Variants in CREB5 observed in about 807,000 individuals in gnomAD.
CREB5 encodes cyclic AMP-responsive element-binding protein 5.
Under a neutral mutation model 57.1 loss-of-function variants are expected in CREB5, and 19 were observed. That is an observed-to-expected ratio of 0.33 (90% CI 0.23 to 0.49). The LOEUF is 0.49. Among genes scored for constraint, CREB5 ranks in the 20% least tolerant of loss-of-function variants. The pLI is 0.99. For synonymous variants in CREB5, 238 were observed against 238.3 expected, an observed-to-expected ratio of 1.00 and a Z score of 0.01; for missense variants, 579 against 671.6, an observed-to-expected ratio of 0.86 and a Z score of 1.52.
At chr7:28,495,864 G>A (rs1165232453) in intron 3 of CREB5, among the ~76,000 whole-genome samples, 1 of 152,332 alleles carries the variant, frequency 6.6e-6, no homozygotes, top group Admixed American at 6.5e-5. Flanking sequence ...ATGAGAGAAT[G>A]TATGGAAACA....
intron 4 of CREB5, among the ~76,000 whole-genome samples, chr7:28,526,413 G>A (rs987586276): frequency 1.3e-5 from 2 of 152,190 alleles, no homozygotes; most frequent in South Asian, 4.1e-4. Context: ...GAAGTGAAAC[G>A]TTATCATCTT....
chr7:28,628,712 A>G (rs954709299), intron 5 of CREB5, among the ~76,000 whole-genome samples: 1 of 152,144 alleles, frequency 6.6e-6, no homozygotes, highest in Non-Finnish European at 1.5e-5. Context: ...GCTGCATGTT[A>G]TTGATTTTCA....
At chr7:28,401,040 C>T (rs1035435000) in intron 1 of CREB5, among the ~76,000 whole-genome samples, 6 of 152,260 alleles carry the variant, frequency 3.9e-5, no homozygotes, top group East Asian at 1.9e-4. Flanking sequence ...TGTGCTGACA[C>T]GGCACTATTA....
At chr7:28,601,530 G>A (rs1363592560) in intron 5 of CREB5, among the ~76,000 whole-genome samples, 1 of 152,096 alleles carries the variant, frequency 6.6e-6, no homozygotes, top group Non-Finnish European at 1.5e-5. Context: ...TCTGTGAAAT[G>A]GAAATAATAA....
Position 28,388,783 on chromosome 7 carries a change from G to C in CREB5, c.-25+89342G>C, listed in dbSNP as rs530441233. 9.8e-5 allele frequency among the ~76,000 whole-genome samples: 15 copies of C among 152,296 alleles called. No individual in the cohort carries two copies. The East Asian group carries it at 2.9e-3, about 29-fold the overall frequency. ...TCAACTCTTAGAGCTGGCATTTGTT[G>C]TATCAGTCCTAATAACTCTTGAGGT... On this transcript the variant is annotated intron_variant, in intron 1 of 9. Coordinates refer to the CREB5 transcript ENST00000396299.
intron 5 of CREB5, among the ~76,000 whole-genome samples, chr7:28,579,779 A>C (rs1166961556): frequency 2.0e-5 from 3 of 152,200 alleles, no homozygotes; most frequent in Non-Finnish European, 4.4e-5. Context: ...CATAATGATA[A>C]CTGGAACCTG....
At chr7:28,803,939 A>T (rs576901624) in intron 7 of CREB5, among the ~76,000 whole-genome samples, 1 of 152,050 alleles carries the variant, frequency 6.6e-6, no homozygotes, top group Non-Finnish European at 1.5e-5. Context: ...TCTTGATAGG[A>T]TATCCTGCCC....
intron 5 of CREB5, among the ~76,000 whole-genome samples, chr7:28,641,711 G>A (rs1018798245): frequency 6.6e-6 from 1 of 152,130 alleles, no homozygotes; most frequent in South Asian, 2.1e-4. Flanking sequence ...AATTTGAAAT[G>A]ATTTTATAGA....
chr7:28,678,906 G>T (rs1490265617), intron 5 of CREB5, among the ~76,000 whole-genome samples: 18 of 152,196 alleles, frequency 1.2e-4, no homozygotes, highest in Non-Finnish European at 2.5e-4. Flanking sequence ...GTAAGAGAAG[G>T]TCAGTTATTA....
intron 4 of CREB5, among the ~76,000 whole-genome samples, chr7:28,527,188 C>T (rs1319580023): frequency 6.6e-6 from 1 of 152,204 alleles, no homozygotes; most frequent in Non-Finnish European, 1.5e-5. Context: ...TCATAACCAC[C>T]ATGACTATCA....
At chr7:28,784,178 A>T (rs1381166144) in intron 7 of CREB5, among the ~76,000 whole-genome samples, 1 of 152,216 alleles carries the variant, frequency 6.6e-6, no homozygotes, top group Non-Finnish European at 1.5e-5. Flanking sequence ...GGGTAAACAC[A>T]GCTCGTGGGA....
At chr7:28,349,148 C>T (rs1007175307) in intron 1 of CREB5, among the ~76,000 whole-genome samples, 2 of 152,104 alleles carry the variant, frequency 1.3e-5, no homozygotes, top group African/African-American at 4.8e-5. Flanking sequence ...ATCAGTGATG[C>T]CTGGGTGGAG....
At chr7:28,748,953 G>A (rs1377573089) in intron 7 of CREB5, among the ~76,000 whole-genome samples, 1 of 152,140 alleles carries the variant, frequency 6.6e-6, no homozygotes, top group Non-Finnish European at 1.5e-5. Context: ...CCAAAGAGTG[G>A]GTGGCTGGGA....
intron 1 of CREB5, among the ~76,000 whole-genome samples, chr7:28,388,919 A>G (rs1787160000): frequency 1.3e-5 from 2 of 152,238 alleles, no homozygotes; most frequent in Non-Finnish European, 2.9e-5. Context: ...GTGAGATAAG[A>G]AGACTGCATC....
At chr7:28,595,626 C>G (rs913926165) in intron 5 of CREB5, among the ~76,000 whole-genome samples, 2 of 152,158 alleles carry the variant, frequency 1.3e-5, no homozygotes, top group African/African-American at 4.8e-5. Context: ...TAGCCAAAGT[C>G]TGAAAGAAAA....
intron 1 of CREB5, among the ~76,000 whole-genome samples, chr7:28,467,902 T>C (rs1272670966): frequency 6.6e-6 from 1 of 152,102 alleles, no homozygotes; most frequent in Non-Finnish European, 1.5e-5. Flanking sequence ...CAGTTCTCTA[T>C]GAGGAGGAAT....
At chr7:28,508,121 G>A (rs1042421475) in intron 4 of CREB5, among the ~76,000 whole-genome samples, 4 of 152,254 alleles carry the variant, frequency 2.6e-5, no homozygotes, top group Non-Finnish European at 2.9e-5. Flanking sequence ...GTCTGTTTTC[G>A]ATAATCTTTC....
chr7:28,803,319 AC>A (rs1223746926), intron 7 of CREB5, among the ~76,000 whole-genome samples: 1 of 152,210 alleles, frequency 6.6e-6, no homozygotes, highest in Non-Finnish European at 1.5e-5. Flanking sequence ...CCTACACATT[AC>A]CTCCGAAGCT....
intron 7 of CREB5, among the ~76,000 whole-genome samples, chr7:28,796,503 T>A (rs1808051126): frequency 6.6e-6 from 1 of 152,176 alleles, no homozygotes; most frequent in Non-Finnish European, 1.5e-5. Context: ...CTGCTGTATA[T>A]CTTTATGGTT....
Sources: allele counts gnomAD v4.1 joint callset (sites outside exome capture counted in the v4.1 genomes callset), GRCh38; gene constraint gnomAD v4.1.1; transcripts MANE v1.5; gene names NCBI Gene and HGNC (gene_info 2026-07-23, HGNC 2026-07-21).